RBFOX1: variants seen among roughly 807,000 people sequenced by gnomAD.
RBFOX1 encodes RNA binding protein fox-1 homolog 1.
RBFOX1 carries 8 observed loss-of-function variants against 57.7 expected under a neutral mutation model. That is an observed-to-expected ratio of 0.14 (90% CI 0.08 to 0.25). The LOEUF is 0.25. Among genes scored for constraint, RBFOX1 ranks in the 10% least tolerant of loss-of-function variants. The pLI, the probability that RBFOX1 is intolerant of heterozygous loss-of-function variation, is 1.00. For synonymous variants in RBFOX1, 326 were observed against 222.4 expected, an observed-to-expected ratio of 1.47 and a Z score of -4.15; for missense variants, 611 against 548.5, an observed-to-expected ratio of 1.11 and a Z score of -1.14.
chr16:7,007,233 C>G (rs1470799241), intron 3 of RBFOX1, among the ~76,000 whole-genome samples: 3 of 152,166 alleles, frequency 2.0e-5, no homozygotes, highest in Admixed American at 6.5e-5. Flanking sequence ...AAGGGCTTCT[C>G]TTAGATCCTG....
chr16:5,436,467 A>G (rs2067921521), intron 1 of RBFOX1, among the ~76,000 whole-genome samples: 1 of 152,208 alleles, frequency 6.6e-6, no homozygotes, highest in African/African-American at 2.4e-5. Context: ...ACTAAGAAGT[A>G]CTTCTCTTGC....
chr16:7,596,882 T>G (rs1200708168), intron 8 of RBFOX1, among the ~76,000 whole-genome samples: 1 of 152,192 alleles, frequency 6.6e-6, no homozygotes, highest in East Asian at 1.9e-4. Flanking sequence ...ATGCTAGATG[T>G]TGCTTTCCTG....
At chr16:6,801,349 A>C (rs2085395967) in intron 3 of RBFOX1, among the ~76,000 whole-genome samples, 1 of 152,310 alleles carries the variant, frequency 6.6e-6, no homozygotes, top group South Asian at 2.1e-4. Flanking sequence ...GGTAATGGTC[A>C]GGCTTATGTA....
chr16:6,524,285 G>C (rs1358438617), intron 2 of RBFOX1, among the ~76,000 whole-genome samples: 1 of 152,112 alleles, frequency 6.6e-6, no homozygotes, highest in African/African-American at 2.4e-5. Context: ...TTAACACAAT[G>C]ATCTCCAGTT....
intron 4 of RBFOX1, among the ~76,000 whole-genome samples, chr16:5,929,986 G>A (rs1438901857): frequency 2.0e-5 from 3 of 151,970 alleles, no homozygotes; most frequent in African/African-American, 2.4e-5. Flanking sequence ...AAAGACGGAT[G>A]CACTACGAAG....
intron 1 of RBFOX1, among the ~76,000 whole-genome samples, chr16:5,313,937 T>C (rs1382600594): frequency 6.6e-6 from 1 of 152,142 alleles, no homozygotes; most frequent in Non-Finnish European, 1.5e-5. Flanking sequence ...CCATGAAATG[T>C]ATGGGATGTT....
At chr16:6,724,616 A>G (rs1196516972) in intron 3 of RBFOX1, among the ~76,000 whole-genome samples, 1 of 152,150 alleles carries the variant, frequency 6.6e-6, no homozygotes, top group Non-Finnish European at 1.5e-5. Context: ...AATTTCTGTT[A>G]TTTAGAAGCC....
At chr16:5,821,006 C>G (rs2055832533) in intron 3 of RBFOX1, among the ~76,000 whole-genome samples, 1 of 152,158 alleles carries the variant, frequency 6.6e-6, no homozygotes, top group African/African-American at 2.4e-5. Flanking sequence ...TTGCTGGCCA[C>G]CAGTCCTCAA....
chr16:5,829,773 A>G (rs1272497094), intron 3 of RBFOX1, among the ~76,000 whole-genome samples: 1 of 152,220 alleles, frequency 6.6e-6, no homozygotes, highest in East Asian at 1.9e-4. Context: ...TGTTGCCCCA[A>G]AGGCCTTTGA....
At chr16:6,550,377 A>G (rs924691559) in intron 2 of RBFOX1, among the ~76,000 whole-genome samples, 3 of 152,072 alleles carry the variant, frequency 2.0e-5, no homozygotes, top group South Asian at 2.1e-4. Flanking sequence ...AGCCTTCACC[A>G]TGTTGACCAG....
intron 3 of RBFOX1, among the ~76,000 whole-genome samples, chr16:6,713,557 C>T (rs972860154): frequency 6.6e-6 from 1 of 152,046 alleles, no homozygotes; most frequent in Admixed American, 6.6e-5. Flanking sequence ...GTTGAGACAA[C>T]CACAAATCTC....
chr16:7,553,732 G>C (rs1427593174), intron 5 of RBFOX1, among the ~76,000 whole-genome samples: 1 of 152,186 alleles, frequency 6.6e-6, no homozygotes, highest in Non-Finnish European at 1.5e-5. Flanking sequence ...GTTAGAGTTA[G>C]CTGACTCAGT....
At chr16:5,996,917 A>C (rs889659211) in intron 4 of RBFOX1, among the ~76,000 whole-genome samples, 2 of 152,212 alleles carry the variant, frequency 1.3e-5, no homozygotes, top group African/African-American at 4.8e-5. Context: ...AACCACAGTT[A>C]CTTTTGCATC....
At chr16:6,216,458 C>G (rs936061869) in intron 1 of RBFOX1, among the ~76,000 whole-genome samples, 2 of 152,144 alleles carry the variant, frequency 1.3e-5, no homozygotes, top group African/African-American at 2.4e-5. Context: ...TTAGCTCCCC[C>G]TCTTAATCCG....
chr16:5,963,862 G>T (rs754491813), intron 4 of RBFOX1, among the ~76,000 whole-genome samples: 14 of 152,100 alleles, frequency 9.2e-5, no homozygotes, highest in Non-Finnish European at 1.5e-4. Context: ...TTTTGGACAT[G>T]ACACAAAAAC....
At chr16:5,727,536 G>A (rs531864276) in intron 3 of RBFOX1, among the ~76,000 whole-genome samples, 2 of 152,282 alleles carry the variant, frequency 1.3e-5, no homozygotes, top group Admixed American at 1.3e-4. Context: ...GTACAATACA[G>A]TGCTATTATG....
chr16:6,408,644 C>T (rs1223046234), intron 2 of RBFOX1, among the ~76,000 whole-genome samples: 2 of 152,146 alleles, frequency 1.3e-5, no homozygotes, highest in Admixed American at 6.5e-5. Flanking sequence ...CTCTCCTCTT[C>T]CCTCCCTCTC....
At chr16:5,880,207 C>T (rs1012882570) in intron 4 of RBFOX1, among the ~76,000 whole-genome samples, 1 of 152,256 alleles carries the variant, frequency 6.6e-6, no homozygotes, top group Non-Finnish European at 1.5e-5. Flanking sequence ...GAAATGGAGG[C>T]TCAGAGGGCT....
chr16:6,584,005 A>AAG (rs984782243), intron 2 of RBFOX1, among the ~76,000 whole-genome samples: 1 of 151,898 alleles, frequency 6.6e-6, no homozygotes, highest in Admixed American at 6.6e-5. Flanking sequence ...AACATTTAAA[A>AAG]AAAAAAAAGA....
Sources: gnomAD v4.1 joint callset for allele counts (sites outside exome capture counted in the v4.1 genomes callset) on GRCh38, gnomAD v4.1.1 for gene constraint, MANE v1.5 for transcripts, NCBI Gene and HGNC (gene_info 2026-07-23, HGNC 2026-07-21) for gene names.